ANKIB1: variants seen among roughly 807,000 people sequenced by gnomAD.
ANKIB1 encodes ankyrin repeat and IBR domain containing 1, also known as ankyrin repeat and IBR domain-containing protein 1.
Under a neutral mutation model 122.1 loss-of-function variants are expected in ANKIB1, and 43 were observed. That is an observed-to-expected ratio of 0.35 (90% confidence interval 0.28 to 0.45). ANKIB1 has a LOEUF of 0.45. Among genes scored for constraint, ANKIB1 ranks in the 20% least tolerant of loss-of-function variants. The pLI, the probability that ANKIB1 is intolerant of heterozygous loss-of-function variation, is 1.00. For missense variants in ANKIB1, 992 were observed against 1,329.5 expected, an observed-to-expected ratio of 0.75 and a Z score of 3.95; for synonymous variants, 390 against 442.0, an observed-to-expected ratio of 0.88 and a Z score of 1.48.
intron 3 of ANKIB1, among the ~76,000 whole-genome samples, chr7:92,315,227 T>C (rs927375644): frequency 2.6e-5 from 4 of 152,098 alleles, no homozygotes; most frequent in African/African-American, 9.7e-5. Flanking sequence ...GAAAGTAAGG[T>C]GAAATGGAGA....
intron 5 of ANKIB1, among the ~76,000 whole-genome samples, chr7:92,338,413 T>G (rs1351634372): frequency 7.1e-6 from 1 of 140,442 alleles, no homozygotes; most frequent in Non-Finnish European, 1.6e-5. Flanking sequence ...AGCTAGACTT[T>G]GCCTCAAAAA....
chr7:92,261,215 A>T (rs1033464717), intron 1 of ANKIB1, among the ~76,000 whole-genome samples: 4 of 151,486 alleles, frequency 2.6e-5, no homozygotes, highest in African/African-American at 9.7e-5. Flanking sequence ...CAGGCGTGGT[A>T]GCGGGCGCCT....
chr7:92,365,888 C>T (rs1209239222), intron 10 of ANKIB1, among the ~76,000 whole-genome samples: 1 of 145,902 alleles, frequency 6.9e-6, no homozygotes, highest in Non-Finnish European at 1.5e-5. Context: ...GCTCCGCCTC[C>T]CGGGTTCACT....
At chr7:92,357,600 T>C (rs1487866304) in intron 9 of ANKIB1, among the ~76,000 whole-genome samples, 1 of 151,732 alleles carries the variant, frequency 6.6e-6, no homozygotes, top group African/African-American at 2.4e-5. Context: ...CTGGGCATGG[T>C]GGTGCATACC....
chr7:92,389,395 C>CA (rs1804735204), intron 14 of ANKIB1, among the ~76,000 whole-genome samples: 1 of 151,466 alleles, frequency 6.6e-6, no homozygotes, highest in Non-Finnish European at 1.5e-5. Flanking sequence ...GTTCTTAAAA[C>CA]AAAGAGTCTC....
chr7:92,280,315 C>G (rs1275563414), intron 1 of ANKIB1, among the ~76,000 whole-genome samples: 1 of 152,132 alleles, frequency 6.6e-6, no homozygotes, highest in Non-Finnish European at 1.5e-5. Context: ...ATTTAAACTC[C>G]TAGCAGTAAA....
chr7:92,266,219 A>G (rs1284861893), intron 1 of ANKIB1, among the ~76,000 whole-genome samples: 1 of 152,226 alleles, frequency 6.6e-6, no homozygotes, highest in Non-Finnish European at 1.5e-5. Flanking sequence ...AAGAGTTCAG[A>G]TAGGATGAGA....
At chr7:92,261,193 C>CA (rs1168398360) in intron 1 of ANKIB1, among the ~76,000 whole-genome samples, 1 of 151,304 alleles carries the variant, frequency 6.6e-6, no homozygotes. Flanking sequence ...ACTAAAAATA[C>CA]AAAAAATTAG....
At chr7:92,351,720 GTTT>G (rs1018424517) in intron 8 of ANKIB1, among the ~76,000 whole-genome samples, 1 of 116,640 alleles carries the variant, frequency 8.6e-6, no homozygotes, top group South Asian at 2.8e-4. Context: ...TTTTTTTTTT[GTTT>G]TTTTTTTTTT....
At chr7:92,260,549 A>G (rs193245215) in intron 1 of ANKIB1, among the ~76,000 whole-genome samples, 303 of 152,198 alleles carry the variant, frequency 2.0e-3, no homozygotes, top group African/African-American at 6.8e-3. Context: ...GCGTGGTGGT[A>G]CATGGCGGTA....
chr7:92,331,977 C>T (rs1025912436), intron 5 of ANKIB1, among the ~76,000 whole-genome samples: 2 of 152,158 alleles, frequency 1.3e-5, no homozygotes, highest in African/African-American at 2.4e-5. Flanking sequence ...TTTTACACAT[C>T]GTATCGTTAA....
At position 92,278,766 on chromosome 7, in the gene ANKIB1, A is replaced by G. The variant is rs543766995; in HGVS notation, c.-90-16123A>G. Among the ~76,000 whole-genome samples, 85 of 152,240 alleles carry G rather than the reference A, an allele frequency of 5.6e-4. 1 individual carries two copies. Among genetic ancestry groups the G allele is most frequent in the Non-Finnish European group, 2.9e-5 (2 of 68,012 alleles). ...TTCCCCACTCTTTTTTTCCTAACCA[A>G]TTATCTGGTGAGCAGCCTAGGAAAA... On this transcript the variant is annotated intron_variant, in intron 1 of 19. Coordinates refer to ENST00000265742, the MANE Select transcript of ANKIB1 (RefSeq NM_019004.2).
chr7:92,309,942 A>AAAAAAAAAAATATATAT (rs1335765681), intron 3 of ANKIB1, among the ~76,000 whole-genome samples: 29 of 91,780 alleles, frequency 3.2e-4, no homozygotes, highest in Non-Finnish European at 4.9e-4. Flanking sequence ...AAAAAAAAAA[A>AAAAAAAAAAATATATAT]ATATATATAT....
chr7:92,330,923 T>C (rs1037051432), intron 5 of ANKIB1, among the ~76,000 whole-genome samples: 2 of 152,160 alleles, frequency 1.3e-5, no homozygotes, highest in African/African-American at 4.8e-5. Context: ...AAAAAACTTA[T>C]ACAGAAACAC....
chr7:92,354,226 G>A (rs531053139), intron 9 of ANKIB1, among the ~76,000 whole-genome samples: 1 of 152,176 alleles, frequency 6.6e-6, no homozygotes, highest in East Asian at 1.9e-4. Context: ...CATAGATGAT[G>A]CTATAAACTG....
chr7:92,301,959 C>T (rs370275707), intron 2 of ANKIB1, among the ~76,000 whole-genome samples: 1 of 150,560 alleles, frequency 6.6e-6, no homozygotes, highest in East Asian at 2.0e-4. Context: ...TTTTTTGAGA[C>T]GGAGTCTCAT....
At chr7:92,334,291 C>T (rs1337991439) in intron 5 of ANKIB1, among the ~76,000 whole-genome samples, 1 of 151,976 alleles carries the variant, frequency 6.6e-6, no homozygotes, top group Non-Finnish European at 1.5e-5. Flanking sequence ...ATATAATTAT[C>T]CTGTACTTTG....
intron 6 of ANKIB1, among the ~76,000 whole-genome samples, chr7:92,344,312 C>G (rs1462191861): frequency 2.1e-5 from 3 of 143,222 alleles, no homozygotes; most frequent in Non-Finnish European, 3.0e-5. Context: ...TCAGGTGATT[C>G]TCCTGCCTCA....
intron 10 of ANKIB1, among the ~76,000 whole-genome samples, chr7:92,365,280 A>G (rs570441933): frequency 1.4e-4 from 22 of 152,304 alleles, no homozygotes; most frequent in East Asian, 5.8e-4. Flanking sequence ...GAGGAGGCCA[A>G]TTATCTATGG....
Sources: allele counts gnomAD v4.1 joint callset (sites outside exome capture counted in the v4.1 genomes callset), GRCh38; gene constraint gnomAD v4.1.1; transcripts MANE v1.5; gene names NCBI Gene and HGNC (gene_info 2026-07-23, HGNC 2026-07-21).